Variants in ITPKB observed in about 807,000 individuals in gnomAD.
The protein encoded by ITPKB is IP3 3-kinase B.
Under a neutral mutation model 69.4 loss-of-function variants are expected in ITPKB, and 13 were observed. That is an observed-to-expected ratio of 0.19 (90% CI 0.12 to 0.30). The LOEUF is 0.30. Among genes scored for constraint, ITPKB ranks in the 10% least tolerant of loss-of-function variants. The pLI, the probability that ITPKB is intolerant of heterozygous loss-of-function variation, is 1.00. For synonymous variants in ITPKB, 584 were observed against 513.7 expected, an observed-to-expected ratio of 1.14 and a Z score of -1.85; for missense variants, 1,240 against 1,250.5, an observed-to-expected ratio of 0.99 and a Z score of 0.13.
chr1:226,685,588 C>T (rs1656188270), intron 2 of ITPKB, among the ~76,000 whole-genome samples: 3 of 152,286 alleles, frequency 2.0e-5, no homozygotes, highest in East Asian at 1.9e-4. Flanking sequence ...TGCACCCACA[C>T]GGCATGACCC....
At chr1:226,735,491 G>T (rs1388887791) in intron 2 of ITPKB, 36 bp downstream of exon 2, 1 of 1,462,378 alleles carries the variant, frequency 6.8e-7, no homozygotes, top group East Asian at 2.5e-5. Flanking sequence ...GCTGAAATCA[G>T]CATGAGTTCT....
At chr1:226,708,379 A>G (rs1471118935) in intron 2 of ITPKB, among the ~76,000 whole-genome samples, 2 of 152,236 alleles carry the variant, frequency 1.3e-5, no homozygotes, top group African/African-American at 4.8e-5. Flanking sequence ...ACTGAGACCC[A>G]CCCAAATGTA....
At chr1:226,694,407 C>T (rs1409931081) in intron 2 of ITPKB, among the ~76,000 whole-genome samples, 2 of 152,204 alleles carry the variant, frequency 1.3e-5, no homozygotes, top group African/African-American at 4.8e-5. Flanking sequence ...TGATCCTAGT[C>T]AACCTTTCTA....
chr1:226,738,797 G>A lies in ITPKB; in HGVS notation c.-206+244C>T, dbSNP rs1380514515. On this transcript the variant is annotated intron_variant, in intron 1 of 7. Transcript: ENST00000429204. The surrounding 1 kb of genome is among the most constrained non-coding windows in gnomAD (Gnocchi z 4.2). The stretch of plus-strand genomic sequence containing the variant: ...TGGGGACTCCTGGAGCGCGCTGAGG[G>A]AGGCGGCGCGGAGTGAGCGGCCCGG... Among the ~76,000 whole-genome samples, 2 of 152,202 alleles carry A rather than the reference G, an allele frequency of 1.3e-5. No individual in the cohort carries two copies. Among genetic ancestry groups the A allele is most frequent in the Non-Finnish European group, 2.9e-5 (2 of 68,024 alleles).
intron 2 of ITPKB, among the ~76,000 whole-genome samples, chr1:226,686,701 T>C (rs1434916350): frequency 1.3e-5 from 2 of 152,252 alleles, no homozygotes; most frequent in African/African-American, 4.8e-5. Flanking sequence ...GTCTCCCATC[T>C]GGATTCTTTC....
rs908725090 is a variant in ITPKB at position 226,705,247 on chromosome 1, C to T, written c.1932+30280G>A. Among the ~76,000 whole-genome samples the T allele has an allele frequency of 1.4e-4, 22 of 152,182 alleles. No individual in the cohort carries two copies. In the East Asian group the frequency reaches 3.9e-3, roughly 27 times the overall value. ...AGTCCAGAAACATACAACTTGATGTCGGTCAGGCACAGTGGCTCACACCTG... is the reference window on the plus strand; with the variant it reads ...AGTCCAGAAACATACAACTTGATGTTGGTCAGGCACAGTGGCTCACACCTG... On this transcript the variant is annotated intron_variant, in intron 2 of 7. Coordinates refer to ENST00000429204, the MANE Select transcript of ITPKB (RefSeq NM_002221.4).
chr1:226,647,033 C>G, intron 4 of ITPKB, 134 bp downstream of exon 4: 4 of 710,394 alleles, frequency 5.6e-6, no homozygotes, highest in Non-Finnish European at 9.8e-6. Context: ...TGGGGAGGCT[C>G]TAATTGGTCC....
intron 2 of ITPKB, among the ~76,000 whole-genome samples, chr1:226,690,510 G>A (rs992509105): frequency 6.7e-6 from 1 of 148,388 alleles, no homozygotes; most frequent in African/African-American, 2.5e-5. Flanking sequence ...ACAGGAGGCT[G>A]AGGCAGGATA....
Position 226,736,668 on chromosome 1 carries a change from C to T in ITPKB, c.791G>A (p.Ser264Asn). ...FVRMEKGIPA[S>N]PRCGSPTAME... is the part of the protein sequence containing the mutation. ...AGCTGTGGGTGAGCCACAGCGGGGA[C>T]TGGCAGGGATACCCTTCTCCATCCT... Residue 264 changes from serine (S) to asparagine (N), a missense_variant, in exon 2 of 8, where the codon AGT becomes AAT. Transcript: ENST00000429204. 1 of 1,613,330 alleles carries T rather than the reference C, an allele frequency of 6.2e-7. No individual in the cohort carries two copies. The highest frequency in any genetic ancestry group is 8.5e-7 in the Non-Finnish European group (1 of 1,179,970).
chr1:226,733,926 C>G (rs1338392260), intron 2 of ITPKB, among the ~76,000 whole-genome samples: 2 of 152,218 alleles, frequency 1.3e-5, no homozygotes, highest in Non-Finnish European at 2.9e-5. Context: ...TAATCTACCA[C>G]TAGAAAGGGT....
At chr1:226,709,111 G>C (rs1235007417) in intron 2 of ITPKB, among the ~76,000 whole-genome samples, 1 of 152,240 alleles carries the variant, frequency 6.6e-6, no homozygotes, top group African/African-American at 2.4e-5. Context: ...GCCACCAGCT[G>C]TCTCCTTTCT....
At chr1:226,654,826 G>A (rs1187595625) in intron 2 of ITPKB, among the ~76,000 whole-genome samples, 2 of 152,190 alleles carry the variant, frequency 1.3e-5, no homozygotes, top group African/African-American at 2.4e-5. Context: ...GAGGGCAAAC[G>A]GGCATAACCT....
Position 226,672,637 on chromosome 1 carries a change from T to TG in ITPKB, c.1933-23867dup, listed in dbSNP as rs148819958. Among the ~76,000 whole-genome samples, 255 of 152,322 alleles carry TG rather than the reference T, an allele frequency of 1.7e-3. 2 individuals are homozygous for TG. The highest frequency in any genetic ancestry group is 6.0e-3 in the African/African-American group (248 of 41,574). ...TCTCACTCCCACTCTAACCTGGAGC[T>TG]GCAATCCCTGCTGAAAGAATTGCCC... is the stretch of plus-strand genomic sequence containing the variant. On this transcript the variant is annotated intron_variant, in intron 2 of 7. Transcript: ENST00000429204.
chr1:226,689,476 A>G (rs61835600), intron 2 of ITPKB, among the ~76,000 whole-genome samples: 22,388 of 152,172 alleles, frequency 0.15, 1,806 homozygotes, highest in Middle Eastern at 0.31. Flanking sequence ...GGTAAATACA[A>G]CAAGGTGTCT....
At chr1:226,689,567 ATT>A (rs201433255) in intron 2 of ITPKB, among the ~76,000 whole-genome samples, 83 of 93,804 alleles carry the variant, frequency 8.8e-4, no homozygotes, top group African/African-American at 3.3e-3. Flanking sequence ...GGAAGGTTTT[ATT>A]TGTGTGTGTG....
At chr1:226,639,372 G>C (rs1248914886) in intron 6 of ITPKB, among the ~76,000 whole-genome samples, 185 bp downstream of exon 6, 1 of 152,178 alleles carries the variant, frequency 6.6e-6, no homozygotes, top group Admixed American at 6.5e-5. Flanking sequence ...TTTGACTTTT[G>C]AAAGGGCAGA....
rs900849270 is a variant in ITPKB, at chr1:226,642,868, G to A, written c.2247-743C>T. On this transcript the variant is annotated intron_variant, in intron 4 of 7. Transcript: ENST00000429204. This position sits in a 1 kb window ranked among gnomAD's most constrained non-coding sequence, Gnocchi z 6.4. The stretch of plus-strand genomic sequence containing the variant: ...GCTGAGCCTGCCCATAAGTGTCTCT[G>A]GCTCTTTCCAAAGAGGTGAAATCTT... Among the ~76,000 whole-genome samples the A allele has an allele frequency of 6.6e-6, 1 of 152,190 alleles. No individual in the cohort carries two copies. The highest frequency in any genetic ancestry group is 2.4e-5 in the African/African-American group (1 of 41,458).
chr1:226,635,018 C>T (rs1668802707), intron 7 of ITPKB, 132 bp from the exon 8 acceptor site: 2 of 658,464 alleles, frequency 3.0e-6, no homozygotes, highest in Admixed American at 2.9e-5. Flanking sequence ...ATTCCAATCC[C>T]CATTTTCAGA....
chr1:226,640,705 C>T (rs1004765965), intron 5 of ITPKB, among the ~76,000 whole-genome samples: 4 of 151,894 alleles, frequency 2.6e-5, no homozygotes, highest in Non-Finnish European at 4.4e-5. Context: ...AAGGAGAAGG[C>T]GGATGGGTAC....
Sources: allele counts gnomAD v4.1 joint callset (sites outside exome capture counted in the v4.1 genomes callset), GRCh38; gene constraint gnomAD v4.1.1; non-coding constraint Gnocchi (gnomAD v3.1); transcripts MANE v1.5; gene names NCBI Gene and HGNC (gene_info 2026-07-23, HGNC 2026-07-21).